MACROD2: variants seen among roughly 807,000 people sequenced by gnomAD.
MACROD2 encodes ADP-ribose glycohydrolase MACROD2.
Under a neutral mutation model 70.4 loss-of-function variants are expected in MACROD2, and 36 were observed. That is an observed-to-expected ratio of 0.51 (90% CI 0.39 to 0.68). MACROD2 has a LOEUF of 0.68. Among genes scored for constraint, MACROD2 ranks in the 30% least tolerant of loss-of-function variants. The pLI is 0.00. For missense variants in MACROD2, 496 were observed against 538.4 expected (o/e 0.92, Z 0.78); for synonymous variants, 172 against 178.8 (o/e 0.96, Z 0.30).
intron 5 of MACROD2, among the ~76,000 whole-genome samples, chr20:15,074,982 A>G (rs77717221): frequency 6.6e-6 from 1 of 152,202 alleles, no homozygotes; most frequent in Non-Finnish European, 1.5e-5. Context: ...GTAAATGGCA[A>G]TAGAGTATTT....
chr20:15,384,230 C>T (rs1433704793), intron 6 of MACROD2, among the ~76,000 whole-genome samples: 1 of 152,006 alleles, frequency 6.6e-6, no homozygotes, highest in Non-Finnish European at 1.5e-5. Context: ...TGGAAAGGTC[C>T]AAGACAGATC....
intron 5 of MACROD2, among the ~76,000 whole-genome samples, chr20:15,074,408 CT>C (rs1322359335): frequency 6.6e-6 from 1 of 152,216 alleles, no homozygotes; most frequent in African/African-American, 2.4e-5. Flanking sequence ...GGGTACCCCC[CT>C]GGAAGGGGCT....
At chr20:15,360,926 G>A (rs2078344574) in intron 6 of MACROD2, among the ~76,000 whole-genome samples, 1 of 150,948 alleles carries the variant, frequency 6.6e-6, no homozygotes, top group Non-Finnish European at 1.5e-5. Flanking sequence ...TTACTGTTGA[G>A]TTTCAAGAGT....
At chr20:14,475,720 C>G (rs1347226510) in intron 3 of MACROD2, among the ~76,000 whole-genome samples, 1 of 152,118 alleles carries the variant, frequency 6.6e-6, no homozygotes, top group Non-Finnish European at 1.5e-5. Flanking sequence ...ATCCCACTCC[C>G]TTTGGGCCTA....
At chr20:14,241,138 A>G (rs750644233) in intron 3 of MACROD2, among the ~76,000 whole-genome samples, 1 of 152,238 alleles carries the variant, frequency 6.6e-6, no homozygotes, top group Non-Finnish European at 1.5e-5. Context: ...TTTTTAAGAA[A>G]TAAATACAAA....
chr20:15,247,152 A>G (rs2077113303), intron 6 of MACROD2, among the ~76,000 whole-genome samples: 1 of 152,222 alleles, frequency 6.6e-6, no homozygotes. Flanking sequence ...TACTAAGAAC[A>G]CTGATTTGCA....
chr20:14,272,203 A>G (rs1289568086), intron 3 of MACROD2, among the ~76,000 whole-genome samples: 3 of 152,274 alleles, frequency 2.0e-5, no homozygotes, highest in Non-Finnish European at 2.9e-5. Flanking sequence ...GAGATTCACC[A>G]AAGTTGAAAT....
At chr20:15,566,319 A>C (rs1237796665) in intron 8 of MACROD2, among the ~76,000 whole-genome samples, 2 of 151,678 alleles carry the variant, frequency 1.3e-5, no homozygotes, top group African/African-American at 4.8e-5. Flanking sequence ...CCCACCCCCC[A>C]CCGTCTCTAC....
chr20:14,263,214 C>T (rs762754915), intron 3 of MACROD2, among the ~76,000 whole-genome samples: 1 of 151,994 alleles, frequency 6.6e-6, no homozygotes, highest in Non-Finnish European at 1.5e-5. Flanking sequence ...CCAAAAGAAG[C>T]CACTTAAAGT....
chr20:15,506,130 A>G (rs12625301), intron 8 of MACROD2, among the ~76,000 whole-genome samples: 8,006 of 152,180 alleles, frequency 0.053, 395 homozygotes, highest in East Asian at 0.23. Context: ...GACCTCACCC[A>G]GTGTGGTCTA....
At chr20:15,669,701 A>G (rs1162297273) in intron 8 of MACROD2, among the ~76,000 whole-genome samples, 1 of 152,210 alleles carries the variant, frequency 6.6e-6, no homozygotes, top group African/African-American at 2.4e-5. Flanking sequence ...CAAGGCCAAG[A>G]CTGGAAGGAA....
chr20:14,540,243 G>T (rs1394566210), intron 4 of MACROD2, among the ~76,000 whole-genome samples: 1 of 152,126 alleles, frequency 6.6e-6, no homozygotes, highest in Non-Finnish European at 1.5e-5. Flanking sequence ...TATCATGTCT[G>T]TGACCTCAGT....
intron 8 of MACROD2, among the ~76,000 whole-genome samples, chr20:15,751,201 G>A (rs2051263646): frequency 6.6e-6 from 1 of 151,940 alleles, no homozygotes; most frequent in South Asian, 2.1e-4. Flanking sequence ...GTCTGGATTT[G>A]ATCATTTATA....
intron 5 of MACROD2, among the ~76,000 whole-genome samples, chr20:15,055,040 C>T (rs1185023869): frequency 6.7e-6 from 1 of 148,576 alleles, no homozygotes; most frequent in Non-Finnish European, 1.5e-5. Flanking sequence ...ACCTCTTCCT[C>T]CTGGGTTCAA....
intron 7 of MACROD2, among the ~76,000 whole-genome samples, chr20:15,432,352 A>C (rs985325016): frequency 2.6e-5 from 4 of 152,054 alleles, no homozygotes; most frequent in African/African-American, 9.7e-5. Context: ...CCTGAACCAA[A>C]TTAAGTGGGA....
At chr20:14,777,541 CTTGGAAA>C (rs386812726) in intron 5 of MACROD2, among the ~76,000 whole-genome samples, 39 of 151,970 alleles carry the variant, frequency 2.6e-4, no homozygotes, top group African/African-American at 9.2e-4. Flanking sequence ...CTAATGTTTG[CTTGGAAA>C]CTGAAATGAG....
At chr20:15,104,402 C>T (rs752153997) in intron 5 of MACROD2, among the ~76,000 whole-genome samples, 7 of 152,068 alleles carry the variant, frequency 4.6e-5, no homozygotes, top group Non-Finnish European at 8.8e-5. Flanking sequence ...GACTTCCAGC[C>T]GTGAGGTAGA....
At chr20:14,813,341 C>G (rs916897175) in intron 5 of MACROD2, among the ~76,000 whole-genome samples, 2 of 149,854 alleles carry the variant, frequency 1.3e-5, no homozygotes, top group African/African-American at 4.9e-5. Context: ...ATGCTCTCCC[C>G]CTTCCTCTGC....
chr20:15,998,505 C>A (rs1380717983), intron 15 of MACROD2, among the ~76,000 whole-genome samples: 1 of 150,404 alleles, frequency 6.6e-6, no homozygotes, highest in Non-Finnish European at 1.5e-5. Flanking sequence ...CCTTGTATTT[C>A]TTTGGCATCA....
Sources: gnomAD v4.1 joint callset for allele counts (sites outside exome capture counted in the v4.1 genomes callset) on GRCh38, gnomAD v4.1.1 for gene constraint, MANE v1.5 for transcripts, NCBI Gene and HGNC (gene_info 2026-07-23, HGNC 2026-07-21) for gene names.